Variants in DSC3 observed in about 807,000 individuals in gnomAD.
DSC3 encodes desmocollin 3, also known as desmocollin-3.
In DSC3, 97 loss-of-function variants were observed where a neutral mutation model predicts 89.5. The observed-to-expected ratio is 1.08, with a 90% CI of 0.92 to 1.28. The LOEUF is 1.28. Ranked by LOEUF, DSC3 falls within the 50% of genes most tolerant of loss-of-function variation. DSC3 has a pLI of 0.00. For missense variants in DSC3, 1,199 were observed against 1,085.3 expected (o/e 1.10, Z -1.47); for synonymous variants, 436 against 384.1 (o/e 1.14, Z -1.58).
intron 3 of DSC3, among the ~76,000 whole-genome samples, chr18:31,030,487 T>TA (rs1319843046): frequency 6.6e-6 from 1 of 152,118 alleles, no homozygotes; most frequent in Non-Finnish European, 1.5e-5. Flanking sequence ...GGTTTTGCAG[T>TA]AAAAAAATTC....
intron 9 of DSC3, among the ~76,000 whole-genome samples, chr18:31,009,225 AT>A (rs1205069525): frequency 6.7e-6 from 1 of 148,256 alleles, no homozygotes; most frequent in African/African-American, 2.5e-5. Context: ...TAATTTTTGT[AT>A]TTTTTTCTTT....
rs892921733 is a variant in DSC3 at position 30,991,815 on chromosome 18, C to G, written c.*2360G>C. The stretch of plus-strand genomic sequence containing the variant: ...TGAGTATTTCAAGATTGATCCAATT[C>G]GTATGATCAACTTTCACACATGTTC... On this transcript the variant is annotated 3_prime_UTR_variant, in exon 16 of 16. Transcript: ENST00000360428. 1 of 152,092 alleles carries G rather than the reference C, an allele frequency of 6.6e-6. No individual in the cohort carries two copies. Among genetic ancestry groups the G allele is most frequent in the South Asian group, 2.1e-4 (1 of 4,824 alleles). 9.4% of individuals were successfully genotyped at this position (152,092 alleles called of 1,614,324 possible).
At position 31,008,331 on chromosome 18, in the gene DSC3, C is replaced by A. The variant is rs116822450; in HGVS notation, c.1458G>T (p.Val486=). ...QYVRIKENLA[V]GSKINGYKAY... ...CCTTATAGCCGTTGATCTTTGACCC[C>A]ACTGCTAAGTTTTCTTTAATCCGCA... The change falls in exon 10 of 16, where the codon GTG becomes GTT. Residue 486 remains valine (V), a synonymous_variant. Transcript: ENST00000360428. 1.2e-6 allele frequency: 2 copies of A among 1,614,016 alleles called. No homozygotes were observed. The highest frequency in any genetic ancestry group is 1.7e-6 in the Non-Finnish European group (2 of 1,179,990).
At chr18:31,030,323 A>T (rs1202454971) in intron 3 of DSC3, among the ~76,000 whole-genome samples, 2 of 152,236 alleles carry the variant, frequency 1.3e-5, no homozygotes, top group African/African-American at 4.8e-5. Context: ...TTTCATAAGA[A>T]TTAATTAATA....
At chr18:31,024,243 C>CGTTA in intron 6 of DSC3, 106 bp downstream of exon 6, 1 of 1,073,280 alleles carries the variant, frequency 9.3e-7, no homozygotes, top group South Asian at 2.0e-5. Context: ...TCTAGTTCAG[C>CGTTA]GTTATCTCAG....
intron 13 of DSC3, among the ~76,000 whole-genome samples, chr18:31,003,442 T>C (rs1233643039): frequency 2.6e-5 from 4 of 152,214 alleles, no homozygotes; most frequent in Admixed American, 6.5e-5. Flanking sequence ...CATTAGAAAT[T>C]TACTACGTAC....
In DSC3 at chr18:31,001,649, G is replaced by C. The variant is rs748632014; in HGVS notation, c.2204C>G (p.Ser735Ter). ...ATCGTCTCCAGGTGCTTCTGTGTTTGATATAATTAAGTTTTGCTGTGCTAA... is the reference window on the plus strand; with the variant it reads ...ATCGTCTCCAGGTGCTTCTGTGTTTCATATAATTAAGTTTTGCTGTGCTAA... ...EDLAQQNLII[S>*]NTEAPGDDRV... The change falls in exon 14 of 16, where the codon TCA becomes TGA. Residue 735 changes from serine (S) to a stop codon, truncating the protein, a stop_gained. Transcript: ENST00000360428. LOFTEE classifies it high-confidence loss of function. The C allele has an allele frequency of 3.7e-6, 6 of 1,611,070 alleles. No homozygotes were observed. The highest frequency in any genetic ancestry group is 5.1e-6 in the Non-Finnish European group (6 of 1,178,416).
At chr18:31,008,958 G>T (rs1010650788) in intron 9 of DSC3, among the ~76,000 whole-genome samples, 1 of 152,146 alleles carries the variant, frequency 6.6e-6, no homozygotes, top group African/African-American at 2.4e-5. Flanking sequence ...TATAACTCTT[G>T]TAAAGTTTGA....
intron 12 of DSC3, among the ~76,000 whole-genome samples, chr18:31,005,576 C>T (rs1261063322): frequency 6.6e-6 from 1 of 152,204 alleles, no homozygotes; most frequent in Admixed American, 6.5e-5. Context: ...CTTCTAAACT[C>T]TAATGACATG....
chr18:31,014,162 C>T (rs1322834435), intron 9 of DSC3, among the ~76,000 whole-genome samples: 2 of 151,620 alleles, frequency 1.3e-5, no homozygotes, highest in African/African-American at 4.8e-5. Context: ...TACAGAATAT[C>T]CATAGGTGTG....
At chr18:31,027,870 G>C (rs531828154) in intron 4 of DSC3, among the ~76,000 whole-genome samples, 1 of 152,204 alleles carries the variant, frequency 6.6e-6, no homozygotes, top group South Asian at 2.1e-4. Flanking sequence ...AACTTAGAGA[G>C]AACTATGTTT....
chr18:31,031,751 G>A (rs1356834155), intron 2 of DSC3, among the ~76,000 whole-genome samples: 1 of 152,092 alleles, frequency 6.6e-6, no homozygotes, highest in Non-Finnish European at 1.5e-5. Context: ...AACTCTACAT[G>A]GAGTCTTTCT....
At chr18:31,013,218 T>C (rs1985128306) in intron 9 of DSC3, among the ~76,000 whole-genome samples, 1 of 150,670 alleles carries the variant, frequency 6.6e-6, no homozygotes, top group Non-Finnish European at 1.5e-5. Flanking sequence ...ACATGTATCT[T>C]ATTTTATGAC....
In DSC3 at chr18:31,022,383, G is replaced by T; in HGVS notation, c.895C>A (p.Pro299Thr). 1.2e-6 allele frequency: 2 copies of T among 1,614,008 alleles called. No individual in the cohort carries two copies. The highest frequency in any genetic ancestry group is 1.7e-6 in the Non-Finnish European group (2 of 1,179,966). The change falls in exon 7 of 16, where the codon CCC (proline) becomes ACC (threonine). Residue 299 changes from proline to threonine, a missense_variant. Physicochemically the swap from Pro to Thr is conservative, Grantham distance 38. Coordinates refer to ENST00000360428, the MANE Select transcript of DSC3 (RefSeq NM_001941.5). ...ACTGTGGTGATTACGCCTGTGCTGGGATGCACAGAAAAGAGCCCAGGTGAC... is the reference window on the plus strand; with the variant it reads ...ACTGTGGTGATTACGCCTGTGCTGGTATGCACAGAAAAGAGCCCAGGTGAC... ...PRSPGLFSVH[P>T]STGVITTVSH...
Position 30,994,204 on chromosome 18 carries a change from T to C in DSC3, c.2662A>G (p.Thr888Ala). The change falls in exon 16 of 16, where the codon ACA becomes GCA. Residue 888 changes from threonine to alanine, a missense_variant. By Grantham distance (58) the Thr-to-Ala change is moderately conservative. Coordinates refer to ENST00000360428, the MANE Select transcript of DSC3 (RefSeq NM_001941.5). Reference sequence around the variant, plus strand: ...CTCTTTGTGCATGCTTCTGCTAATGTAATAAATTTGGGTTCCAAATTATTT... The same window carrying C: ...CTCTTTGTGCATGCTTCTGCTAATGCAATAAATTTGGGTTCCAAATTATTT... ...FLNNLEPKFI[T>A]LAEACTKR 6.2e-7 allele frequency: 1 copy of C among 1,614,110 alleles called. No individual in the cohort carries two copies. The highest frequency in any genetic ancestry group is 8.5e-7 in the Non-Finnish European group (1 of 1,179,980).
In DSC3 at chr18:31,042,497, A is replaced by T; in HGVS notation, c.69+95T>A. On this transcript the variant is annotated intron_variant, in intron 1 of 15. Transcript: ENST00000360428. ...AGCATTGATCTGAGCCGCGGTTGTC[A>T]CGTTTCGGCCCGCTTTGTCCCCAGC... The T allele has an allele frequency of 3.1e-6, 4 of 1,299,844 alleles. No individual in the cohort carries two copies. The South Asian group carries it at 5.1e-5, about 16-fold the overall frequency. The allele number at this position is 1,299,844 out of a possible 1,614,324, so 80.5% of individuals were successfully genotyped here.
At chr18:31,038,704 T>G (rs116778643) in intron 1 of DSC3, among the ~76,000 whole-genome samples, 1 of 152,096 alleles carries the variant, frequency 6.6e-6, no homozygotes, top group African/African-American at 2.4e-5. Context: ...ATACCAAAGA[T>G]TACATATAGC....
At position 30,994,185 on chromosome 18, in the gene DSC3, G is replaced by C. The variant is rs1488997684; in HGVS notation, c.2681C>G (p.Thr894Arg). Reference sequence around the variant, plus strand: ...TGTAGCACTGTGACATTATCTCTTTGTGCATGCTTCTGCTAATGTAATAAA... The same window carrying C: ...TGTAGCACTGTGACATTATCTCTTTCTGCATGCTTCTGCTAATGTAATAAA... ...PKFITLAEAC[T>R]KR Residue 894 changes from threonine to arginine, a missense_variant, in exon 16 of 16, where the codon ACA (threonine) becomes AGA (arginine). Coordinates refer to ENST00000360428, the MANE Select transcript of DSC3 (RefSeq NM_001941.5). The C allele has an allele frequency of 1.2e-6, 2 of 1,613,628 alleles. No individual in the cohort carries two copies. The highest frequency in any genetic ancestry group is 2.7e-5 in the African/African-American group (2 of 74,866).
intron 14 of DSC3, among the ~76,000 whole-genome samples, chr18:30,998,948 T>C (rs944088735): frequency 6.6e-6 from 1 of 151,942 alleles, no homozygotes; most frequent in African/African-American, 2.4e-5. Context: ...CAAATATAAT[T>C]TTTTCTTTCC....
Sources: allele counts gnomAD v4.1 joint callset (sites outside exome capture counted in the v4.1 genomes callset), GRCh38; gene constraint gnomAD v4.1.1; transcripts MANE v1.5; gene names NCBI Gene and HGNC (gene_info 2026-07-23, HGNC 2026-07-21).